Variants in RET observed in about 807,000 individuals in gnomAD.
RET encodes the protein ret proto-oncogene, also known as proto-oncogene tyrosine-protein kinase receptor Ret.
A neutral mutation model predicts 118.3 loss-of-function variants in RET; 19 were observed. That is an observed-to-expected ratio of 0.16 (90% confidence interval 0.11 to 0.24). The LOEUF is 0.24. Among genes scored for constraint, RET ranks in the 10% least tolerant of loss-of-function variants. The pLI is 1.00. For missense variants in RET, 1,219 were observed against 1,502.1 expected, an observed-to-expected ratio of 0.81 and a Z score of 3.12; for synonymous variants, 597 against 644.1, an observed-to-expected ratio of 0.93 and a Z score of 1.11.
At chr10:43,116,179 C>T (rs1199107377) in intron 11 of RET, among the ~76,000 whole-genome samples, 2 of 152,230 alleles carry the variant, frequency 1.3e-5, no homozygotes, top group Non-Finnish European at 2.9e-5. Flanking sequence ...TGCTTCCACA[C>T]TCTGAGGCGG....
At chr10:43,086,651 G>A (rs1398191665) in intron 1 of RET, among the ~76,000 whole-genome samples, 1 of 152,268 alleles carries the variant, frequency 6.6e-6, no homozygotes, top group Non-Finnish European at 1.5e-5. Flanking sequence ...TGTTCAGCCA[G>A]GCCTTGCCCT....
At chr10:43,102,318 C>T (rs1237256704) in intron 2 of RET, 24 bp from the exon 3 acceptor site, 3 of 1,612,812 alleles carry the variant, frequency 1.9e-6, no homozygotes, top group East Asian at 2.2e-5. Flanking sequence ...CCGATGCCCC[C>T]ACAGACCTGA....
chr10:43,112,761 C>T (rs933797582), intron 8 of RET, 92 bp from the exon 9 acceptor site: 22 of 1,000,824 alleles, frequency 2.2e-5, no homozygotes, highest in Non-Finnish European at 3.0e-5. Flanking sequence ...TCCAGTTGCT[C>T]CTCCCTAGAG....
intron 1 of RET, among the ~76,000 whole-genome samples, chr10:43,087,330 T>C (rs1193265717): frequency 6.6e-6 from 1 of 152,208 alleles, no homozygotes; most frequent in Non-Finnish European, 1.5e-5. Flanking sequence ...CCGGGTCTCC[T>C]GCCCAGCATT....
At chr10:43,095,941 G>A (rs1256227682) in intron 1 of RET, among the ~76,000 whole-genome samples, 1 of 152,208 alleles carries the variant, frequency 6.6e-6, no homozygotes, top group Non-Finnish European at 1.5e-5. Flanking sequence ...GAGGGTTGAT[G>A]TGGGAATCCT....
chr10:43,130,045 AG>A lies in RET; in HGVS notation c.*1778del, dbSNP rs1838414105. ...TTGTTCTCAGGAGGGTAAGAACTCC[AG>A]GTCTAAACAGCTGACCCAGTGATGG... is the stretch of plus-strand genomic sequence containing the variant. On this transcript the variant is annotated 3_prime_UTR_variant, in exon 20 of 20. Transcript: ENST00000355710. 2.5e-6 allele frequency: 1 copy of A among 398,590 alleles called. No homozygotes were observed. Among genetic ancestry groups the A allele is most frequent in the Admixed American group, 4.4e-5 (1 of 22,724 alleles). The allele number at this position is 398,590 out of a possible 1,614,324, so 24.7% of individuals were successfully genotyped here.
rs1268595248 is a variant in RET at position 43,084,577 on chromosome 10, C to G, written c.73+7246C>G. Reference sequence around the variant, plus strand: ...GATGGCTGTCTTGCCATACAGCTGACTTTGCTGTTGCATCTGCATCAAGAG... The same window carrying G: ...GATGGCTGTCTTGCCATACAGCTGAGTTTGCTGTTGCATCTGCATCAAGAG... On this transcript the variant is annotated intron_variant, in intron 1 of 19. Coordinates refer to ENST00000355710, the MANE Select transcript of RET (RefSeq NM_020975.6). 3.3e-5 allele frequency among the ~76,000 whole-genome samples: 5 copies of G among 152,228 alleles called. 1 individual carries two copies. The South Asian group carries it at 6.2e-4, about 19-fold the overall frequency.
chr10:43,105,453 C>CT (rs1837748690), intron 4 of RET, among the ~76,000 whole-genome samples: 1 of 152,118 alleles, frequency 6.6e-6, no homozygotes, highest in African/African-American at 2.4e-5. Context: ...ACTTGTGCCG[C>CT]TGCAGGCGGG....
chr10:43,104,795 C>T, intron 3 of RET, 157 bp from the exon 4 acceptor site: 1 of 1,149,098 alleles, frequency 8.7e-7, no homozygotes. Flanking sequence ...CAAACTCGTG[C>T]TCCGAGCGCT....
chr10:43,122,774 A>AT (rs1293254448), intron 16 of RET, among the ~76,000 whole-genome samples: 2 of 151,920 alleles, frequency 1.3e-5, no homozygotes, highest in African/African-American at 2.4e-5. Flanking sequence ...CGCCTGGCTC[A>AT]TTTTTTTGTA....
chr10:43,109,676 G>T (rs1160845069), intron 6 of RET, among the ~76,000 whole-genome samples: 3 of 152,218 alleles, frequency 2.0e-5, no homozygotes. Context: ...CCCTCAGGGG[G>T]AGGCAGGAAA....
chr10:43,118,646 G>A (rs1335714971), intron 13 of RET, among the ~76,000 whole-genome samples, 166 bp downstream of exon 13: 1 of 152,226 alleles, frequency 6.6e-6, no homozygotes, highest in African/African-American at 2.4e-5. Flanking sequence ...CTTGTGTCTA[G>A]CTGAGTCCAC....
chr10:43,095,873 G>A (rs372891373), intron 1 of RET, among the ~76,000 whole-genome samples: 56 of 152,366 alleles, frequency 3.7e-4, no homozygotes, highest in African/African-American at 1.3e-3. Flanking sequence ...ACCCCATCCT[G>A]CATGGTGCCT....
Position 43,077,314 on chromosome 10 carries a change from T to C in RET, c.56T>C (p.Leu19Pro), listed in dbSNP as rs2132499055. 2.0e-6 allele frequency: 3 copies of C among 1,511,350 alleles called. No individual in the cohort carries two copies. Among genetic ancestry groups the C allele is most frequent in the South Asian group, 2.5e-5 (2 of 81,412 alleles). 93.6% of individuals were successfully genotyped at this position (1,511,350 alleles called of 1,614,324 possible). The change falls in exon 1 of 20, where the codon CTG becomes CCG. Residue 19 changes from leucine to proline, a missense_variant. By Grantham distance (98) the Leu-to-Pro change is moderately conservative (BLOSUM62 -3). Around this residue, in one of 5 missense-constraint regions of RET, gnomAD observed 38 missense variants for 33.1 expected, o/e 1.15. Transcript: ENST00000355710. ...AGLRLLLLLL[L>P]PLLGKVALGL... ...CTGCGTCTGCTGTTGCTGCTGCTGC[T>C]GCCGCTGCTAGGCAAAGGTGAGTTC...
intron 1 of RET, among the ~76,000 whole-genome samples, chr10:43,096,898 G>A (rs1297979051): frequency 1.3e-5 from 2 of 152,190 alleles, no homozygotes; most frequent in African/African-American, 4.8e-5. Context: ...CTCCCACCTT[G>A]GACCATGTGT....
In RET at chr10:43,128,666, G is replaced by C. The variant is rs868001503; in HGVS notation, c.*397G>C. ...GATTTTTCTAGTTGCCGCCAAACAAGGCAAAAAAATTTAAACATGAAGCAC... is the reference window on the plus strand; with the variant it reads ...GATTTTTCTAGTTGCCGCCAAACAACGCAAAAAAATTTAAACATGAAGCAC... On this transcript the variant is annotated 3_prime_UTR_variant, in exon 20 of 20. Coordinates refer to ENST00000355710, the MANE Select transcript of RET (RefSeq NM_020975.6). The C allele has an allele frequency of 2.6e-6, 1 of 384,488 alleles. No individual in the cohort carries two copies. Among genetic ancestry groups the C allele is most frequent in the South Asian group, 3.0e-5 (1 of 33,352 alleles). The allele number at this position is 384,488 out of a possible 1,614,324, so 23.8% of individuals were successfully genotyped here.
Position 43,116,739 on chromosome 10 carries a change from C to T in RET, c.2284+8C>T. 1 of 1,613,000 alleles carries T rather than the reference C, an allele frequency of 6.2e-7. No individual in the cohort carries two copies. Among genetic ancestry groups the T allele is most frequent in the Non-Finnish European group, 8.5e-7 (1 of 1,179,752 alleles). On this transcript the variant is annotated splice_region_variant and intron_variant, in intron 12 of 19. Transcript: ENST00000355710. ...CCGTGAAGATGCTGAAAGGTACCTG[C>T]CAGGCACAGGCACAGTGCCCCTGGG...
At position 43,126,206 on chromosome 10, in the gene RET, G is replaced by A. The variant is rs571569928; in HGVS notation, c.3040-369G>A. 9.8e-5 allele frequency among the ~76,000 whole-genome samples: 15 copies of A among 152,388 alleles called. No homozygotes were observed. In the East Asian group the frequency reaches 2.9e-3, roughly 29 times the overall value. On this transcript the variant is annotated intron_variant, in intron 18 of 19. Coordinates refer to ENST00000355710, the MANE Select transcript of RET (RefSeq NM_020975.6). ...GAGCCCAAGGGTTTGTCAGCGGGCT[G>A]GTTCCGTGCTGCCCATCTCCGGGTT...
chr10:43,095,548 C>T (rs957122728), intron 1 of RET, among the ~76,000 whole-genome samples: 3 of 152,206 alleles, frequency 2.0e-5, no homozygotes, highest in Non-Finnish European at 4.4e-5. Context: ...AGGACTGGTC[C>T]CCTCTGCATC....
Sources: gnomAD v4.1 joint callset for allele counts (sites outside exome capture counted in the v4.1 genomes callset) on GRCh38, gnomAD v4.1.1 for gene constraint, gnomAD v4.1.1 regional missense constraint, MANE v1.5 for transcripts, NCBI Gene and HGNC (gene_info 2026-07-23, HGNC 2026-07-21) for gene names.